The following THSD7A variants were observed in gnomAD, a reference collection of about 807,000 sequenced individuals.
THSD7A encodes the protein thrombospondin type-1 domain-containing protein 7A.
In THSD7A, 96 loss-of-function variants were observed where a neutral mutation model predicts 231.3. The ratio of observed to expected loss-of-function variants is 0.41; its 90% CI spans 0.35 to 0.49. The LOEUF (loss-of-function observed/expected upper bound fraction) is 0.49. THSD7A is among the 20% of genes least tolerant of loss of function. The pLI is 0.05. For missense variants in THSD7A, 2,290 were observed against 2,070.2 expected (o/e 1.11, Z -2.06); for synonymous variants, 940 against 743.3 (o/e 1.26, Z -4.30).
chr7:11,826,348 TTAAGA>T (rs1389097049), intron 1 of THSD7A, among the ~76,000 whole-genome samples: 4 of 152,222 alleles, frequency 2.6e-5, no homozygotes, highest in African/African-American at 9.6e-5. Context: ...AATTACTTCA[TTAAGA>T]TATTTTTGAA....
At position 11,412,508 on chromosome 7, in the gene THSD7A, G is replaced by A. The variant is rs112528934; in HGVS notation, c.3682+148C>T. 15 of 932,942 alleles carry A rather than the reference G, an allele frequency of 1.6e-5. 2 individuals are homozygous for A. In the African/African-American group the frequency reaches 2.3e-4, roughly 15 times the overall value. 57.8% of individuals were successfully genotyped at this position (932,942 alleles called of 1,614,324 possible). On this transcript the variant is annotated intron_variant, in intron 18 of 27. Coordinates refer to ENST00000423059, the MANE Select transcript of THSD7A (RefSeq NM_015204.3). ...AAAAAAAACCCAGATAAGTATTTCT[G>A]TCATTTAATATGTAATTATTTCTGG...
chr7:11,590,498 T>C lies in THSD7A; in HGVS notation c.1415A>G (p.Asn472Ser). 9 of 1,612,652 alleles carry C rather than the reference T, an allele frequency of 5.6e-6. No homozygotes were observed. Among genetic ancestry groups the C allele is most frequent in the Non-Finnish European group, 6.8e-6 (8 of 1,179,406 alleles). The change falls in exon 4 of 28, where the codon AAC becomes AGC. Residue 472 changes from asparagine (N) to serine (S), a missense_variant. Coordinates refer to ENST00000423059, the MANE Select transcript of THSD7A (RefSeq NM_015204.3). This position sits in a 1 kb window ranked among gnomAD's most constrained non-coding sequence, Gnocchi z 4.4. ...GTGGGTACTTAATTGTGAGAGGAGGTTTTCGTTGGCCTGCACGCAGTACAC... is the reference window on the plus strand; with the variant it reads ...GTGGGTACTTAATTGTGAGAGGAGGCTTTCGTTGGCCTGCACGCAGTACAC... ...REVYCVQANE[N>S]LLSQLSTHKN...
intron 1 of THSD7A, among the ~76,000 whole-genome samples, chr7:11,806,550 C>T (rs1784402144): frequency 6.6e-6 from 1 of 152,100 alleles, no homozygotes; most frequent in Non-Finnish European, 1.5e-5. Context: ...GGCAATGCTG[C>T]AGGTGACATC....
intron 1 of THSD7A, among the ~76,000 whole-genome samples, chr7:11,817,617 G>C (rs1430697348): frequency 6.6e-6 from 1 of 152,152 alleles, no homozygotes; most frequent in Non-Finnish European, 1.5e-5. Context: ...GTACCAGTGA[G>C]CAGTTCACAC....
chr7:11,592,073 A>T (rs1339924766), intron 3 of THSD7A, among the ~76,000 whole-genome samples: 5 of 152,204 alleles, frequency 3.3e-5, no homozygotes, highest in Non-Finnish European at 7.3e-5. Context: ...AACTCATAGG[A>T]GAGAAAATAC....
chr7:11,567,926 T>G (rs1410424422), intron 4 of THSD7A, among the ~76,000 whole-genome samples: 1 of 152,158 alleles, frequency 6.6e-6, no homozygotes, highest in South Asian at 2.1e-4. Flanking sequence ...TCTCACCTAA[T>G]TTTTTTGGTA....
chr7:11,580,238 C>A (rs1488106794), intron 4 of THSD7A, among the ~76,000 whole-genome samples: 2 of 152,090 alleles, frequency 1.3e-5, no homozygotes, highest in Non-Finnish European at 2.9e-5. Context: ...GGAATGTCTG[C>A]ATTTTCTTAA....
rs562325553 is a variant in THSD7A at position 11,547,986 on chromosome 7, C to A, written c.1454-4869G>T. ...AAGAGGAAAGTGACACCAAAGCCAG[C>A]AGTAGACAAGAAATAACCAAAAACA... On this transcript the variant is annotated intron_variant, in intron 4 of 27. Coordinates refer to ENST00000423059, the MANE Select transcript of THSD7A (RefSeq NM_015204.3). Among the ~76,000 whole-genome samples, 12 of 152,166 alleles carry A rather than the reference C, an allele frequency of 7.9e-5. No individual in the cohort carries two copies. In the South Asian group the frequency reaches 2.1e-3, roughly 26 times the overall value.
chr7:11,473,251 C>T (rs575950268), intron 8 of THSD7A, among the ~76,000 whole-genome samples: 3,634 of 152,120 alleles, frequency 0.024, 137 homozygotes, highest in African/African-American at 0.083. Context: ...TTTCATGCAT[C>T]AGAGACATTA....
intron 6 of THSD7A, among the ~76,000 whole-genome samples, chr7:11,533,861 G>A (rs1788805161): frequency 6.6e-6 from 1 of 152,100 alleles, no homozygotes; most frequent in Admixed American, 6.6e-5. Flanking sequence ...AAACCTACAG[G>A]TTCTGCACTT....
At chr7:11,403,195 T>C (rs1783468129) in intron 22 of THSD7A, among the ~76,000 whole-genome samples, 1 of 152,298 alleles carries the variant, frequency 6.6e-6, no homozygotes, top group East Asian at 1.9e-4. Flanking sequence ...GAATAATTCA[T>C]ATTGCCTTAT....
At chr7:11,402,965 G>T (rs1783457389) in intron 22 of THSD7A, among the ~76,000 whole-genome samples, 1 of 152,130 alleles carries the variant, frequency 6.6e-6, no homozygotes, top group African/African-American at 2.4e-5. Context: ...TGTTGGGTAT[G>T]TACCTAGGAG....
chr7:11,457,081 C>T lies in THSD7A; in HGVS notation c.2605+3581G>A, dbSNP rs555510847. ...AAATCTATTAATGATAAGGTATAAT[C>T]GCTTTTATTCATATATATAATAAAA... On this transcript the variant is annotated intron_variant, in intron 11 of 27. Coordinates refer to ENST00000423059, the MANE Select transcript of THSD7A (RefSeq NM_015204.3). 5.3e-5 allele frequency among the ~76,000 whole-genome samples: 8 copies of T among 152,132 alleles called. 2 individuals are homozygous for T. Among genetic ancestry groups the T allele is most frequent in the East Asian group, 1.9e-4 (1 of 5,176 alleles).
At chr7:11,400,470 A>G (rs912688790) in intron 23 of THSD7A, among the ~76,000 whole-genome samples, 4 of 146,506 alleles carry the variant, frequency 2.7e-5, no homozygotes, top group Non-Finnish European at 6.1e-5. Flanking sequence ...GTATGATTTT[A>G]CTCTCTAAGG....
chr7:11,828,946 A>C (rs1785107611), intron 1 of THSD7A, among the ~76,000 whole-genome samples: 1 of 152,118 alleles, frequency 6.6e-6, no homozygotes, highest in East Asian at 1.9e-4. Flanking sequence ...AGCCTATTCA[A>C]TGTGAAGACG....
intron 1 of THSD7A, among the ~76,000 whole-genome samples, chr7:11,774,612 T>C (rs1000306644): frequency 1.3e-5 from 2 of 152,226 alleles, no homozygotes; most frequent in African/African-American, 4.8e-5. Flanking sequence ...CATGTATGCC[T>C]ATGTTCAAAC....
chr7:11,569,505 C>T (rs1790531255), intron 4 of THSD7A, among the ~76,000 whole-genome samples: 1 of 152,024 alleles, frequency 6.6e-6, no homozygotes, highest in South Asian at 2.1e-4. Flanking sequence ...AGAATGGCTA[C>T]TATTAAATTG....
chr7:11,758,873 A>G (rs1245484696), intron 1 of THSD7A, among the ~76,000 whole-genome samples: 3 of 152,102 alleles, frequency 2.0e-5, no homozygotes, highest in African/African-American at 7.2e-5. Context: ...GCAGCCAAGG[A>G]CAAAACATAT....
At chr7:11,803,642 A>G (rs946304741) in intron 1 of THSD7A, among the ~76,000 whole-genome samples, 2 of 152,134 alleles carry the variant, frequency 1.3e-5, no homozygotes, top group African/African-American at 4.8e-5. Context: ...CTTATTTCCT[A>G]CTTGGCTATG....
Sources: gnomAD v4.1 joint callset for allele counts (sites outside exome capture counted in the v4.1 genomes callset) on GRCh38, gnomAD v4.1.1 for gene constraint, Gnocchi (gnomAD v3.1) non-coding constraint, MANE v1.5 for transcripts, NCBI Gene and HGNC (gene_info 2026-07-23, HGNC 2026-07-21) for gene names.